The following ZYG11B variants were observed in gnomAD, a reference collection of about 807,000 sequenced individuals.
ZYG11B encodes the protein zyg-11 family member B, cell cycle regulator.
ZYG11B carries 36 observed loss-of-function variants against 82.4 expected under a neutral mutation model. The ratio of observed to expected loss-of-function variants is 0.44; its 90% CI spans 0.33 to 0.58. The LOEUF (loss-of-function observed/expected upper bound fraction) is 0.58, where lower values mean the gene tolerates loss of function less well. Among genes scored for constraint, ZYG11B ranks in the 20% least tolerant of loss-of-function variants. The pLI is 0.02. For synonymous variants in ZYG11B, 303 were observed against 312.8 expected (o/e 0.97, Z 0.33); for missense variants, 552 against 895.6 (o/e 0.62, Z 4.90).
chr1:52,772,148 T>G, intron 3 of ZYG11B: 1 of 1,280,614 alleles, frequency 7.8e-7, no homozygotes, highest in Non-Finnish European at 1.1e-6. Flanking sequence ...GTTTTTGTTT[T>G]ATTTTAGTTA....
At chr1:52,741,298 C>CAAAAAAAAAAAAAAAAAAAAAAAAA (rs770092920) in intron 1 of ZYG11B, among the ~76,000 whole-genome samples, 1 of 72,222 alleles carries the variant, frequency 1.4e-5, no homozygotes, top group African/African-American at 4.5e-5. Context: ...GACTTCGTCT[C>CAAAAAAAAAAAAAAAAAAAAAAAAA]AAAAAAAAAA....
chr1:52,746,600 A>G (rs1241416026), intron 1 of ZYG11B, among the ~76,000 whole-genome samples: 4 of 150,944 alleles, frequency 2.6e-5, no homozygotes, highest in East Asian at 2.0e-4. Context: ...ATCTGGGCAA[A>G]CTTTACTTGA....
intron 3 of ZYG11B, chr1:52,772,794 CAGTCCCCT>C: frequency 1.8e-6 from 1 of 557,026 alleles, no homozygotes; most frequent in Non-Finnish European, 3.2e-6. Flanking sequence ...TCTTCTGCCT[CAGTCCCCT>C]GAGTAACTGG....
At chr1:52,726,812 C>A in intron 1 of ZYG11B, 129 bp downstream of exon 1, 1 of 868,698 alleles carries the variant, frequency 1.2e-6, no homozygotes, top group South Asian at 2.6e-5. Context: ...TTACCTCTCT[C>A]CCTCGTTACC....
chr1:52,773,469 G>A (rs1408118992), intron 3 of ZYG11B, among the ~76,000 whole-genome samples: 3 of 135,662 alleles, frequency 2.2e-5, no homozygotes, highest in Non-Finnish European at 4.6e-5. Flanking sequence ...GTGAGACTCC[G>A]TCTCAGAAAA....
chr1:52,790,285 G>A (rs1370921829), intron 6 of ZYG11B, among the ~76,000 whole-genome samples: 1 of 152,030 alleles, frequency 6.6e-6, no homozygotes, highest in East Asian at 1.9e-4. Flanking sequence ...CTTTGCTTAG[G>A]AATTTATGTT....
intron 1 of ZYG11B, among the ~76,000 whole-genome samples, chr1:52,737,355 G>C (rs1051788165): frequency 2.0e-5 from 3 of 152,160 alleles, no homozygotes; most frequent in African/African-American, 7.2e-5. Context: ...TGTTAATGAG[G>C]CTGGCTGTGT....
At chr1:52,786,204 A>G (rs918711247) in intron 5 of ZYG11B, among the ~76,000 whole-genome samples, 2 of 152,204 alleles carry the variant, frequency 1.3e-5, no homozygotes, top group East Asian at 3.8e-4. Flanking sequence ...GGCAAAGTTG[A>G]TCAGGGAAAA....
At chr1:52,760,601 GT>G (rs1468629812) in intron 2 of ZYG11B, among the ~76,000 whole-genome samples, 1 of 151,862 alleles carries the variant, frequency 6.6e-6, no homozygotes, top group African/African-American at 2.4e-5. Flanking sequence ...AGTCTTTTTT[GT>G]GTGTTAAAAA....
intron 1 of ZYG11B, among the ~76,000 whole-genome samples, chr1:52,748,343 A>C (rs1208491637): frequency 6.6e-6 from 1 of 152,080 alleles, no homozygotes; most frequent in African/African-American, 2.4e-5. Context: ...CTGATATGTA[A>C]ATTAATCTTT....
intron 3 of ZYG11B, chr1:52,772,204 A>C: frequency 6.8e-7 from 1 of 1,473,402 alleles, no homozygotes; most frequent in Non-Finnish European, 9.5e-7. Context: ...TTATGCGACC[A>C]GGGCAGAGGC....
At chr1:52,813,807 T>C in intron 11 of ZYG11B, 53 bp from the exon 12 acceptor site, 1 of 1,613,386 alleles carries the variant, frequency 6.2e-7, no homozygotes, top group South Asian at 1.1e-5. Context: ...TAGTAAATAA[T>C]GCAGTGCTAA....
At chr1:52,761,067 C>A (rs754198279) in intron 2 of ZYG11B, among the ~76,000 whole-genome samples, 1 of 151,954 alleles carries the variant, frequency 6.6e-6, no homozygotes, top group African/African-American at 2.4e-5. Flanking sequence ...CTGGTGCTGG[C>A]GTATTTTTAA....
At chr1:52,784,814 C>T in intron 4 of ZYG11B, 63 bp from the exon 5 acceptor site, 1 of 1,517,100 alleles carries the variant, frequency 6.6e-7, no homozygotes, top group Non-Finnish European at 9.0e-7. Flanking sequence ...CAAAATAATT[C>T]TGCTCTGTGA....
intron 4 of ZYG11B, among the ~76,000 whole-genome samples, chr1:52,782,931 CTT>C (rs33945214): frequency 2.1e-5 from 3 of 143,166 alleles, no homozygotes; most frequent in Admixed American, 7.0e-5. Flanking sequence ...TAGGCAATTC[CTT>C]TTTTTTTTTT....
chr1:52,794,122 G>A (rs1181176080), intron 6 of ZYG11B, among the ~76,000 whole-genome samples: 3 of 151,676 alleles, frequency 2.0e-5, no homozygotes, highest in Non-Finnish European at 4.4e-5. Context: ...CTATAGGCGC[G>A]CACCACCACA....
At chr1:52,799,115 A>C (rs1023585781) in intron 8 of ZYG11B, among the ~76,000 whole-genome samples, 1 of 152,086 alleles carries the variant, frequency 6.6e-6, no homozygotes, top group Non-Finnish European at 1.5e-5. Context: ...AATTCTACCC[A>C]TAACAGTGCA....
chr1:52,799,705 G>A (rs1645059624), intron 8 of ZYG11B, among the ~76,000 whole-genome samples: 1 of 151,954 alleles, frequency 6.6e-6, no homozygotes, highest in African/African-American at 2.4e-5. Flanking sequence ...TAAGGCAGGA[G>A]AATCGCTTGA....
chr1:52,817,032 C>T (rs1209355056), intron 13 of ZYG11B, among the ~76,000 whole-genome samples: 1 of 151,758 alleles, frequency 6.6e-6, no homozygotes, highest in African/African-American at 2.4e-5. Context: ...AAACTCCTGA[C>T]CTCAGGTGAT....
Sources: allele counts gnomAD v4.1 joint callset (sites outside exome capture counted in the v4.1 genomes callset), GRCh38; gene constraint gnomAD v4.1.1; transcripts MANE v1.5; gene names NCBI Gene and HGNC (gene_info 2026-07-23, HGNC 2026-07-21).